PDE7B: variants seen among roughly 807,000 people sequenced by gnomAD.
The protein encoded by PDE7B is phosphodiesterase 7B.
A neutral mutation model predicts 56.2 loss-of-function variants in PDE7B; 29 were observed. The observed-to-expected ratio is 0.52, with a 90% CI of 0.38 to 0.70. PDE7B has a LOEUF of 0.70. Ranked by LOEUF, PDE7B falls within the 30% of genes least tolerant of loss-of-function variation. PDE7B has a pLI of 0.00. For missense variants in PDE7B, 490 were observed against 565.0 expected (o/e 0.87, Z 1.35); for synonymous variants, 197 against 196.9 (o/e 1.00, Z 0.00).
At chr6:136,125,588 A>G (rs1778009919) in intron 3 of PDE7B, among the ~76,000 whole-genome samples, 1 of 151,908 alleles carries the variant, frequency 6.6e-6, no homozygotes. Context: ...TAAATAAATA[A>G]AGAATACATA....
At chr6:136,191,547 G>A (rs1434321996) in intron 12 of PDE7B, 67 bp from the exon 13 acceptor site, 14 of 1,322,860 alleles carry the variant, frequency 1.1e-5, no homozygotes, top group African/African-American at 1.5e-5. Context: ...CCCCAGTCAT[G>A]CTCGGGAGGG....
At chr6:135,923,247 T>C (rs1401550193) in intron 1 of PDE7B, among the ~76,000 whole-genome samples, 1 of 152,234 alleles carries the variant, frequency 6.6e-6, no homozygotes, top group African/African-American at 2.4e-5. Flanking sequence ...ACTGAGTGCC[T>C]ACTGTGTGGC....
chr6:136,058,883 A>T (rs577099935), intron 2 of PDE7B, among the ~76,000 whole-genome samples: 1 of 151,452 alleles, frequency 6.6e-6, no homozygotes, highest in Admixed American at 6.6e-5. Context: ...TTTGGGGGGA[A>T]AAAAGTGATT....
chr6:135,875,965 C>T (rs924301196), intron 1 of PDE7B, among the ~76,000 whole-genome samples: 3 of 151,972 alleles, frequency 2.0e-5, no homozygotes, highest in African/African-American at 7.3e-5. Context: ...GCAAAGGACA[C>T]ACCAAGACAA....
At chr6:135,913,526 C>G (rs926320915) in intron 1 of PDE7B, among the ~76,000 whole-genome samples, 11 of 152,128 alleles carry the variant, frequency 7.2e-5, no homozygotes, top group Admixed American at 2.0e-4. Flanking sequence ...TGCCAGTCTT[C>G]CATTTGAAAT....
chr6:135,993,831 T>C (rs1583816651), intron 2 of PDE7B, among the ~76,000 whole-genome samples: 1 of 152,222 alleles, frequency 6.6e-6, no homozygotes, highest in South Asian at 2.1e-4. Context: ...AGACAAGTAC[T>C]GGTGGTAATA....
chr6:135,929,975 T>G (rs1319382711), intron 1 of PDE7B, among the ~76,000 whole-genome samples: 1 of 152,192 alleles, frequency 6.6e-6, no homozygotes, highest in Non-Finnish European at 1.5e-5. Flanking sequence ...GAAGGCCTTG[T>G]GTGCCAGACT....
At chr6:136,149,174 A>T in intron 5 of PDE7B, 24 bp downstream of exon 5, 1 of 1,435,784 alleles carries the variant, frequency 7.0e-7, no homozygotes, top group Non-Finnish European at 9.8e-7. Flanking sequence ...AAGAATTCTC[A>T]CTAAAATATA....
At chr6:136,161,137 T>C (rs1309894538) in intron 8 of PDE7B, among the ~76,000 whole-genome samples, 2 of 152,210 alleles carry the variant, frequency 1.3e-5, no homozygotes, top group African/African-American at 4.8e-5. Flanking sequence ...CTGTACTCTC[T>C]AATTCCTCTC....
At chr6:135,979,515 T>C (rs1426468386) in intron 2 of PDE7B, among the ~76,000 whole-genome samples, 10 of 152,028 alleles carry the variant, frequency 6.6e-5, no homozygotes, top group South Asian at 4.2e-4. Flanking sequence ...CCTGGACTCT[T>C]TTTGGTTGGT....
intron 2 of PDE7B, among the ~76,000 whole-genome samples, chr6:135,978,927 G>A (rs1282575602): frequency 6.6e-6 from 1 of 151,894 alleles, no homozygotes; most frequent in Non-Finnish European, 1.5e-5. Context: ...GAATAGGAGT[G>A]GTGAGAGAGG....
intron 8 of PDE7B, among the ~76,000 whole-genome samples, chr6:136,162,933 C>A (rs923755530): frequency 6.6e-6 from 1 of 152,236 alleles, no homozygotes; most frequent in East Asian, 1.9e-4. Flanking sequence ...CCTTGGGCAG[C>A]TCCATTCCTG....
chr6:136,011,970 T>C (rs1467290117), intron 2 of PDE7B, among the ~76,000 whole-genome samples: 1 of 152,190 alleles, frequency 6.6e-6, no homozygotes, highest in Non-Finnish European at 1.5e-5. Flanking sequence ...GTTTATGTCT[T>C]TCTCACGAGG....
chr6:136,151,256 G>C lies in PDE7B; in HGVS notation c.478+1G>C. Reference sequence around the variant, plus strand: ...ATGGTGACCTTACACCGATTTTTAGGTAAGTCCTTTTTTTCACATTTCTAG... The same window carrying C: ...ATGGTGACCTTACACCGATTTTTAGCTAAGTCCTTTTTTTCACATTTCTAG... On this transcript the variant is annotated splice_donor_variant, in intron 6 of 12. Coordinates refer to ENST00000308191, the MANE Select transcript of PDE7B (RefSeq NM_018945.4). LOFTEE classifies it high-confidence loss of function. 1 of 1,520,940 alleles carries C rather than the reference G, an allele frequency of 6.6e-7. No individual in the cohort carries two copies. The highest frequency in any genetic ancestry group is 9.1e-7 in the Non-Finnish European group (1 of 1,095,744). 94.2% of individuals were successfully genotyped at this position (1,520,940 alleles called of 1,614,324 possible). A position where few individuals can be genotyped will look rare whatever the true frequency, so the allele number is the denominator to read the frequency against.
At chr6:136,118,200 A>G (rs547165179) in intron 3 of PDE7B, among the ~76,000 whole-genome samples, 1 of 152,230 alleles carries the variant, frequency 6.6e-6, no homozygotes, top group Admixed American at 6.5e-5. Context: ...TCACCCTTCA[A>G]GCCCTGGCCC....
intron 1 of PDE7B, among the ~76,000 whole-genome samples, chr6:135,896,281 A>G (rs910740371): frequency 6.6e-6 from 1 of 152,088 alleles, no homozygotes; most frequent in Non-Finnish European, 1.5e-5. Flanking sequence ...GGTTCCTATG[A>G]ACTTGTTCAT....
chr6:136,068,591 C>T (rs901587452), intron 2 of PDE7B, among the ~76,000 whole-genome samples: 9 of 152,038 alleles, frequency 5.9e-5, no homozygotes, highest in East Asian at 1.9e-4. Flanking sequence ...CCACCACGCC[C>T]GGCTAATTTT....
intron 5 of PDE7B, among the ~76,000 whole-genome samples, chr6:136,149,532 T>C (rs1195713941): frequency 1.3e-5 from 2 of 152,234 alleles, no homozygotes; most frequent in African/African-American, 4.8e-5. Context: ...AGGGTGCTTA[T>C]GCAGTTTTAT....
intron 2 of PDE7B, among the ~76,000 whole-genome samples, chr6:135,997,735 T>C (rs949104386): frequency 6.6e-6 from 1 of 152,264 alleles, no homozygotes; most frequent in East Asian, 1.9e-4. Flanking sequence ...AGAACTGTTT[T>C]TCTTACAATG....
Sources: allele counts gnomAD v4.1 joint callset (sites outside exome capture counted in the v4.1 genomes callset), GRCh38; gene constraint gnomAD v4.1.1; transcripts MANE v1.5; gene names NCBI Gene and HGNC (gene_info 2026-07-23, HGNC 2026-07-21).